Variants in GTF2F2 observed in about 807,000 individuals in gnomAD.
The protein encoded by GTF2F2 is general transcription factor IIF subunit 2, also known as ATP-dependent helicase GTF2F2.
Under a neutral mutation model 42.2 loss-of-function variants are expected in GTF2F2, and 23 were observed. That is an observed-to-expected ratio of 0.55 (90% confidence interval 0.39 to 0.77). The LOEUF is 0.77. GTF2F2 is among the 30% of genes least tolerant of loss of function. The pLI is 0.00. For synonymous variants in GTF2F2, 105 were observed against 100.8 expected, an observed-to-expected ratio of 1.04 and a Z score of -0.25; for missense variants, 261 against 287.2, an observed-to-expected ratio of 0.91 and a Z score of 0.66.
At chr13:45,171,494 C>A (rs1413099069) in intron 4 of GTF2F2, among the ~76,000 whole-genome samples, 3 of 152,106 alleles carry the variant, frequency 2.0e-5, no homozygotes, top group Non-Finnish European at 4.4e-5. Context: ...AGAAGGATCC[C>A]TATTGAAACA....
chr13:45,148,862 T>C (rs1030415086), intron 2 of GTF2F2, among the ~76,000 whole-genome samples: 2 of 152,202 alleles, frequency 1.3e-5, no homozygotes, highest in African/African-American at 2.4e-5. Flanking sequence ...GGAAAGATAC[T>C]GCACCAAGAT....
intron 5 of GTF2F2, among the ~76,000 whole-genome samples, chr13:45,217,297 CAAA>C (rs397851526): frequency 1.8e-4 from 15 of 85,480 alleles, no homozygotes; most frequent in Admixed American, 1.3e-4. Context: ...GACTCCATCT[CAAA>C]AAAAAAAAAA....
chr13:45,132,368 T>C (rs1348367223), intron 1 of GTF2F2, among the ~76,000 whole-genome samples: 1 of 151,938 alleles, frequency 6.6e-6, no homozygotes, highest in Non-Finnish European at 1.5e-5. Flanking sequence ...ATTCAGTTCC[T>C]CCAGGGTTGT....
At chr13:45,220,314 C>G (rs1157191930) in intron 5 of GTF2F2, among the ~76,000 whole-genome samples, 1 of 152,136 alleles carries the variant, frequency 6.6e-6, no homozygotes, top group Non-Finnish European at 1.5e-5. Context: ...CAGATGTTTA[C>G]TGAGCATCTA....
At chr13:45,253,288 TACTA>T (rs935236495) in intron 6 of GTF2F2, among the ~76,000 whole-genome samples, 5 of 152,202 alleles carry the variant, frequency 3.3e-5, no homozygotes, top group African/African-American at 1.2e-4. Flanking sequence ...AATTACAATG[TACTA>T]ACTAAATATT....
chr13:45,132,433 G>GTTT (rs112267600), intron 1 of GTF2F2, among the ~76,000 whole-genome samples: 198 of 143,770 alleles, frequency 1.4e-3, no homozygotes, highest in Admixed American at 2.2e-3. Context: ...TGTCATTAGT[G>GTTT]TTTTTTTTTT....
At chr13:45,210,102 T>C (rs1873571636) in intron 5 of GTF2F2, among the ~76,000 whole-genome samples, 1 of 152,214 alleles carries the variant, frequency 6.6e-6, no homozygotes, top group Non-Finnish European at 1.5e-5. Flanking sequence ...TCTTTTAAAA[T>C]CTAAGTCAGA....
intron 4 of GTF2F2, among the ~76,000 whole-genome samples, chr13:45,188,737 C>T (rs1200876172): frequency 6.6e-6 from 1 of 152,130 alleles, no homozygotes; most frequent in Non-Finnish European, 1.5e-5. Flanking sequence ...AAGTCTAACT[C>T]GAGAGCCCAT....
intron 4 of GTF2F2, chr13:45,193,926 G>T: frequency 1.2e-6 from 2 of 1,614,092 alleles, no homozygotes; most frequent in Non-Finnish European, 1.7e-6. Flanking sequence ...AGACAAAGGT[G>T]TTGTCTTCCT....
intron 5 of GTF2F2, among the ~76,000 whole-genome samples, chr13:45,250,051 C>CTTTTTTT (rs780347641): frequency 1.0e-3 from 103 of 100,864 alleles, no homozygotes; most frequent in Non-Finnish European, 1.4e-3. Flanking sequence ...TGCCTTATCT[C>CTTTTTTT]TTTTTTTTTT....
intron 4 of GTF2F2, among the ~76,000 whole-genome samples, chr13:45,206,023 A>G (rs1195892367): frequency 3.3e-5 from 5 of 152,230 alleles, no homozygotes; most frequent in Non-Finnish European, 7.3e-5. Context: ...TAATTTTATT[A>G]AAGACTTTAA....
chr13:45,279,012 C>T (rs920403802), intron 7 of GTF2F2, among the ~76,000 whole-genome samples: 42 of 151,754 alleles, frequency 2.8e-4, no homozygotes, highest in African/African-American at 9.9e-4. Flanking sequence ...TTGGTAGAGA[C>T]GAGGTTTCTC....
chr13:45,242,112 TC>T (rs1044154096), intron 5 of GTF2F2, among the ~76,000 whole-genome samples: 8 of 152,118 alleles, frequency 5.3e-5, no homozygotes, highest in African/African-American at 1.9e-4. Context: ...TATTGAAACT[TC>T]CTATAAAGGT....
Position 45,238,774 on chromosome 13 carries a change from G to A in GTF2F2, c.387-14097G>A, listed in dbSNP as rs138948151. On this transcript the variant is annotated intron_variant, in intron 5 of 7. Coordinates refer to ENST00000340473, the MANE Select transcript of GTF2F2 (RefSeq NM_004128.3). ...AGCCTGACCAACATGGAGAAACCTC[G>A]TCTCTACTAAAAATACAAAATTAGC... 1.8e-3 allele frequency among the ~76,000 whole-genome samples: 278 copies of A among 151,866 alleles called. 1 individual carries two copies. Among genetic ancestry groups the A allele is most frequent in the African/African-American group, 6.2e-3 (257 of 41,452 alleles).
In GTF2F2 at chr13:45,176,542, G is replaced by A. The variant is rs78123017; in HGVS notation, c.304+24711G>A. Among the ~76,000 whole-genome samples, 997 of 152,208 alleles carry A rather than the reference G, an allele frequency of 6.6e-3. 12 individuals carry two copies. Among genetic ancestry groups the A allele is most frequent in the African/African-American group, 0.023 (952 of 41,538 alleles). On this transcript the variant is annotated intron_variant, in intron 4 of 7. Transcript: ENST00000340473. ...TATTCTGGGTATAGCCCTTAGTTAT[G>A]TGGTTTTAAAATAACTTTTATTCAG... is the stretch of plus-strand genomic sequence containing the variant.
chr13:45,155,727 C>A (rs1199955414), intron 4 of GTF2F2, among the ~76,000 whole-genome samples: 1 of 152,030 alleles, frequency 6.6e-6, no homozygotes, highest in African/African-American at 2.4e-5. Flanking sequence ...CCCTTTCTTC[C>A]ACTTCTGCTT....
chr13:45,195,528 CTTGT>C (rs10564668), intron 4 of GTF2F2, among the ~76,000 whole-genome samples: 15,915 of 151,924 alleles, frequency 0.1, 2,187 homozygotes, highest in African/African-American at 0.32. Flanking sequence ...AAGTTAGTTT[CTTGT>C]TTGTTTGTTT....
rs189934408 is a variant in GTF2F2, at chr13:45,224,103, T to G, written c.386+16598T>G. On this transcript the variant is annotated intron_variant, in intron 5 of 7. Transcript: ENST00000340473. ...TTAGTTTTTCATATGAATACCCATT[T>G]TTTGATTATATGGCAAATGCCTTCA... Among the ~76,000 whole-genome samples, 24 of 152,326 alleles carry G rather than the reference T, an allele frequency of 1.6e-4. No individual in the cohort carries two copies. In the East Asian group the frequency reaches 4.0e-3, roughly 26 times the overall value.
chr13:45,239,661 A>C (rs888727870), intron 5 of GTF2F2, among the ~76,000 whole-genome samples: 1 of 152,192 alleles, frequency 6.6e-6, no homozygotes, highest in Non-Finnish European at 1.5e-5. Context: ...CCCTTTCGGA[A>C]CACATTTGAA....
Sources: gnomAD v4.1 joint callset for allele counts (sites outside exome capture counted in the v4.1 genomes callset) on GRCh38, gnomAD v4.1.1 for gene constraint, MANE v1.5 for transcripts, NCBI Gene and HGNC (gene_info 2026-07-23, HGNC 2026-07-21) for gene names.